RHOU: variants seen among roughly 807,000 people sequenced by gnomAD.
RHOU encodes the protein rho-related GTP-binding protein RhoU.
RHOU carries 8 observed loss-of-function variants against 12.6 expected under a neutral mutation model. The ratio of observed to expected loss-of-function variants is 0.64; its 90% CI spans 0.37 to 1.15. The LOEUF (loss-of-function observed/expected upper bound fraction) is 1.15. RHOU is among the 50% of genes most tolerant of loss of function. The pLI is 0.01. For synonymous variants in RHOU, 161 were observed against 147.4 expected, an observed-to-expected ratio of 1.09 and a Z score of -0.67; for missense variants, 258 against 347.0, an observed-to-expected ratio of 0.74 and a Z score of 2.04.
At chr1:228,707,111 TATATATATATATATAC>T in the RHOU span, among the ~76,000 whole-genome samples, 3,000 of 96,290 alleles carry the variant, frequency 0.031, 144 homozygotes, top group African/African-American at 0.13. Flanking sequence ...CATACATATA[TATATATATATATATAC>T]ATATATATAT....
the RHOU span, among the ~76,000 whole-genome samples, chr1:228,696,962 G>C: frequency 6.6e-6 from 1 of 152,082 alleles, no homozygotes; most frequent in Non-Finnish European, 1.5e-5. Context: ...TAAGACATGA[G>C]AGAGTAAAAG....
chr1:228,676,348 TTTTG>T, the RHOU span, among the ~76,000 whole-genome samples: 27 of 152,194 alleles, frequency 1.8e-4, no homozygotes, highest in Admixed American at 8.5e-4. Flanking sequence ...AAAAAATGTT[TTTTG>T]TTTGTTTGTT....
At chr1:228,682,240 G>A in the RHOU span, among the ~76,000 whole-genome samples, 2 of 152,206 alleles carry the variant, frequency 1.3e-5, no homozygotes, top group Non-Finnish European at 2.9e-5. Flanking sequence ...TATTCCTTGG[G>A]CTGGTTGGTC....
At chr1:228,733,925 G>C (rs916954545), upstream of RHOU, among the ~76,000 whole-genome samples, 16 of 152,214 alleles carry the variant, frequency 1.1e-4, no homozygotes, top group African/African-American at 3.9e-4. Flanking sequence ...CTGACCCTGA[G>C]AGTAAGGGCC....
chr1:228,709,523 C>T, the RHOU span, among the ~76,000 whole-genome samples: 8 of 150,550 alleles, frequency 5.3e-5, no homozygotes, highest in Non-Finnish European at 3.0e-5. Context: ...AACCACTCAA[C>T]TACATGGAAA....
In RHOU at chr1:228,743,546, A is replaced by C; in HGVS notation, c.583A>C (p.Ile195Leu). ...EEAAKLCAEEIKAASYIECSA... is the reference protein window; with the variant it reads ...EEAAKLCAEELKAASYIECSA... ...GGCGGCTAAGCTGTGCGCCGAGGAA[A>C]TCAAAGCCGCCTCCTACATCGAGTG... is the stretch of plus-strand genomic sequence containing the variant. The change falls in exon 3 of 3, where the codon ATC becomes CTC. Residue 195 changes from isoleucine (I) to leucine (L), a missense_variant. Ile to Leu is a conservative substitution (Grantham distance 5). Transcript: ENST00000366691. This position sits in a 1 kb window ranked among gnomAD's most constrained non-coding sequence, Gnocchi z 5.1. 6.2e-7 allele frequency: 1 copy of C among 1,614,220 alleles called. No homozygotes were observed. The highest frequency in any genetic ancestry group is 8.5e-7 in the Non-Finnish European group (1 of 1,180,042).
the RHOU span, among the ~76,000 whole-genome samples, chr1:228,720,727 T>C: frequency 6.6e-6 from 1 of 152,222 alleles, no homozygotes; most frequent in East Asian, 1.9e-4. Flanking sequence ...CAGTGCTTTG[T>C]TACTGTGGCC....
At chr1:228,708,682 C>T in the RHOU span, among the ~76,000 whole-genome samples, 25,501 of 151,568 alleles carry the variant, frequency 0.17, 2,808 homozygotes, top group African/African-American at 0.31. Flanking sequence ...AAGGAACAAC[C>T]GGTACCAGCC....
the RHOU span, among the ~76,000 whole-genome samples, chr1:228,729,961 T>C: frequency 6.6e-6 from 1 of 152,226 alleles, no homozygotes; most frequent in Admixed American, 6.5e-5. Flanking sequence ...CTAACTGATG[T>C]TTGTGATTCC....
At chr1:228,670,221 AT>A in the RHOU span, among the ~76,000 whole-genome samples, 6 of 152,244 alleles carry the variant, frequency 3.9e-5, no homozygotes, top group African/African-American at 1.4e-4. Flanking sequence ...AGATCCATTT[AT>A]TTTAACTTAA....
chr1:228,684,617 G>T, the RHOU span, among the ~76,000 whole-genome samples: 4 of 152,306 alleles, frequency 2.6e-5, no homozygotes, highest in East Asian at 7.7e-4. Flanking sequence ...GATCTACTGT[G>T]CCCTGCTGAC....
the RHOU span, among the ~76,000 whole-genome samples, chr1:228,697,939 A>G: frequency 1.3e-5 from 2 of 152,242 alleles, no homozygotes; most frequent in Non-Finnish European, 2.9e-5. Context: ...AATAGCAATC[A>G]TTTAAGTTTT....
chr1:228,647,134 A>T, the RHOU span, among the ~76,000 whole-genome samples: 2,662 of 152,136 alleles, frequency 0.017, 63 homozygotes, highest in African/African-American at 0.061. Flanking sequence ...AATAGGGTGG[A>T]GGGGTTTGAG....
In RHOU at chr1:228,735,915, G is replaced by A; in HGVS notation, c.173G>A (p.Gly58Asp). The A allele has an allele frequency of 1.9e-6, 3 of 1,562,414 alleles. No homozygotes were observed. Among genetic ancestry groups the A allele is most frequent in the Non-Finnish European group, 2.6e-6 (3 of 1,158,720 alleles). ...RGVKCVLVGD[G>D]AVGKTSLVVS... Reference sequence around the variant, plus strand: ...GTCAAGTGCGTGCTGGTCGGCGACGGCGCGGTGGGCAAGACGAGCCTGGTG... The same window carrying A: ...GTCAAGTGCGTGCTGGTCGGCGACGACGCGGTGGGCAAGACGAGCCTGGTG... The change falls in exon 1 of 3, where the codon GGC (glycine) becomes GAC (aspartate). Residue 58 changes from glycine (G) to aspartate (D), a missense_variant. By Grantham distance (94) the Gly-to-Asp change is moderately conservative. Transcript: ENST00000366691. The surrounding 1 kb of genome is among the most constrained non-coding windows in gnomAD (Gnocchi z 8.1).
the RHOU span, among the ~76,000 whole-genome samples, chr1:228,671,950 T>G: frequency 6.6e-6 from 1 of 152,192 alleles, no homozygotes; most frequent in African/African-American, 2.4e-5. Context: ...TACATTCTTT[T>G]GAATAAATGT....
the RHOU span, among the ~76,000 whole-genome samples, chr1:228,710,580 T>C: frequency 4.5e-4 from 69 of 152,334 alleles, no homozygotes; most frequent in African/African-American, 1.6e-3. Flanking sequence ...TCTCAACAGA[T>C]GCAGAAAAGG....
chr1:228,705,229 G>T, the RHOU span, among the ~76,000 whole-genome samples: 1 of 152,048 alleles, frequency 6.6e-6, no homozygotes. Context: ...CTTTGTGTGT[G>T]TGTGAAATCT....
chr1:228,696,356 T>G, the RHOU span, among the ~76,000 whole-genome samples: 9 of 141,602 alleles, frequency 6.4e-5, no homozygotes, highest in Non-Finnish European at 1.1e-4. Flanking sequence ...ATCTTGAGGG[T>G]TTTTTTTTTC....
chr1:228,741,461 A>T (rs141479795), intron 2 of RHOU, among the ~76,000 whole-genome samples: 1 of 152,214 alleles, frequency 6.6e-6, no homozygotes, highest in Non-Finnish European at 1.5e-5. Flanking sequence ...GCAACCCCAG[A>T]TACCAGGGCA....
Sources: gnomAD v4.1 joint callset for allele counts (sites outside exome capture counted in the v4.1 genomes callset) on GRCh38, gnomAD v4.1.1 for gene constraint, Gnocchi (gnomAD v3.1) non-coding constraint, MANE v1.5 for transcripts, NCBI Gene and HGNC (gene_info 2026-07-23, HGNC 2026-07-21) for gene names.